The following CELF2 variants were observed in gnomAD, a reference collection of about 807,000 sequenced individuals.
CELF2 encodes the protein CUG triplet repeat RNA-binding protein 2.
CELF2 carries 8 observed loss-of-function variants against 62.6 expected under a neutral mutation model. The ratio of observed to expected loss-of-function variants is 0.13; its 90% confidence interval spans 0.07 to 0.23. The LOEUF (loss-of-function observed/expected upper bound fraction) is 0.23. Among genes scored for constraint, CELF2 ranks in the 10% least tolerant of loss-of-function variants. CELF2 has a pLI of 1.00. For synonymous variants in CELF2, 258 were observed against 250.0 expected (o/e 1.03, Z -0.30); for missense variants, 333 against 671.0 (o/e 0.50, Z 5.56).
Position 11,077,109 on chromosome 10 carries a change from C to T in CELF2, c.74+58946C>T, listed in dbSNP as rs542519707. ...CCAAGTCCTTTGCCGTTTTGCAAAC[C>T]GTTAACTCTGAGACAAGTGAATGTC... On this transcript the variant is annotated intron_variant, in intron 1 of 12. Transcript: ENST00000633077. Among the ~76,000 whole-genome samples, 9 of 152,244 alleles carry T rather than the reference C, an allele frequency of 5.9e-5. No homozygotes were observed. The East Asian group carries it at 1.5e-3, about 26-fold the overall frequency.
At chr10:10,620,864 G>A in the CELF2 span, among the ~76,000 whole-genome samples, 1 of 131,184 alleles carries the variant, frequency 7.6e-6, no homozygotes, top group Non-Finnish European at 1.6e-5. Flanking sequence ...CTTGCAGTGA[G>A]ACGAGATCGA....
intron 4 of CELF2, among the ~76,000 whole-genome samples, chr10:11,256,019 C>T (rs1031986945): frequency 4.6e-5 from 7 of 152,294 alleles, no homozygotes; most frequent in African/African-American, 1.4e-4. Context: ...GGTCCCTCCC[C>T]CGCTGGACCT....
chr10:10,950,592 G>A (rs2048212674), intron 2 of CELF2, among the ~76,000 whole-genome samples: 1 of 152,170 alleles, frequency 6.6e-6, no homozygotes, highest in African/African-American at 2.4e-5. Context: ...GAATTGCAAG[G>A]ATTTCATGAG....
chr10:10,627,230 A>G, the CELF2 span, among the ~76,000 whole-genome samples: 1 of 152,218 alleles, frequency 6.6e-6, no homozygotes, highest in Non-Finnish European at 1.5e-5. Context: ...TCCCAAGAAG[A>G]CCTCTGAATA....
At chr10:10,861,195 AC>A (rs1288166217) in intron 1 of CELF2, among the ~76,000 whole-genome samples, 5 of 151,836 alleles carry the variant, frequency 3.3e-5, no homozygotes, top group African/African-American at 9.7e-5. Context: ...TGATCCTCCC[AC>A]CTCAGTATCT....
Position 11,165,772 on chromosome 10 carries a change from G to A in CELF2, c.271+90G>A. 1 of 1,268,230 alleles carries A rather than the reference G, an allele frequency of 7.9e-7. No homozygotes were observed. The highest frequency in any genetic ancestry group is 1.5e-5 in the African/African-American group (1 of 66,226). 78.6% of individuals were successfully genotyped at this position (1,268,230 alleles called of 1,614,324 possible). A position where few individuals can be genotyped will look rare whatever the true frequency, so the allele number is the denominator to read the frequency against. On this transcript the variant is annotated intron_variant, in intron 2 of 12. Coordinates refer to ENST00000633077, the MANE Select transcript of CELF2 (RefSeq NM_001326342.2). This position sits in a 1 kb window ranked among gnomAD's most constrained non-coding sequence, Gnocchi z 7.4. ...CGAGCCCCCAGCCTGCAGGAGGAAG[G>A]GCGGGTAGGCAGGAGGGCTGGAAGC...
In CELF2 at chr10:11,242,271, T is replaced by C. The variant is rs1337715183; in HGVS notation, c.355-6882T>C. The stretch of plus-strand genomic sequence containing the variant: ...TTATTGAATCTCATGTTAAAGGTGG[T>C]TAACTCATCAATTGGTGATGGCTGG... On this transcript the variant is annotated intron_variant, in intron 3 of 12. Transcript: ENST00000633077. The surrounding 1 kb of genome is among the most constrained non-coding windows in gnomAD (Gnocchi z 4.8). Among the ~76,000 whole-genome samples the C allele has an allele frequency of 6.6e-6, 1 of 152,198 alleles. No homozygotes were observed. The highest frequency in any genetic ancestry group is 2.4e-5 in the African/African-American group (1 of 41,434).
intron 1 of CELF2, among the ~76,000 whole-genome samples, chr10:10,916,234 TG>T (rs2064307620): frequency 6.6e-6 from 1 of 152,230 alleles, no homozygotes; most frequent in Admixed American, 6.5e-5. Context: ...TTTGTCGATT[TG>T]CTGGTCTCAA....
the CELF2 span, among the ~76,000 whole-genome samples, chr10:10,500,610 A>C: frequency 6.6e-6 from 1 of 152,212 alleles, no homozygotes. Flanking sequence ...CTGTGAGTCC[A>C]TTAAACCTCT....
chr10:10,646,183 C>G, the CELF2 span, among the ~76,000 whole-genome samples: 1 of 152,076 alleles, frequency 6.6e-6, no homozygotes, highest in Admixed American at 6.6e-5. Flanking sequence ...TGAGCACCTA[C>G]AGATAAAAAG....
At chr10:10,551,771 A>G in the CELF2 span, among the ~76,000 whole-genome samples, 2 of 152,086 alleles carry the variant, frequency 1.3e-5, no homozygotes, top group African/African-American at 2.4e-5. Context: ...AGGGTCCAGG[A>G]GCGCTGGTTT....
At chr10:10,510,208 A>T in the CELF2 span, among the ~76,000 whole-genome samples, 2 of 152,078 alleles carry the variant, frequency 1.3e-5, no homozygotes, top group South Asian at 4.1e-4. Context: ...CATTAGATTC[A>T]CCTCCTATTC....
intron 1 of CELF2, chr10:11,097,440 T>C (rs939824566): frequency 2.0e-5 from 3 of 152,212 alleles, no homozygotes; most frequent in African/African-American, 7.2e-5. Flanking sequence ...AGAAGAGATA[T>C]GCATGAGAGA....
chr10:10,753,753 G>C, the CELF2 span, among the ~76,000 whole-genome samples: 1 of 152,266 alleles, frequency 6.6e-6, no homozygotes, highest in African/African-American at 2.4e-5. Flanking sequence ...ACATGCACCT[G>C]ACTTCACCAA....
chr10:11,264,898 C>T (rs1395292946), intron 5 of CELF2, among the ~76,000 whole-genome samples: 1 of 152,220 alleles, frequency 6.6e-6, no homozygotes, highest in Non-Finnish European at 1.5e-5. Flanking sequence ...TTCATTCAGG[C>T]TTCTTCAAGC....
Position 11,305,845 on chromosome 10 carries a change from T to C in CELF2, c.977-8294T>C, listed in dbSNP as rs961151095. Among the ~76,000 whole-genome samples the C allele has an allele frequency of 4.6e-5, 7 of 152,228 alleles. No homozygotes were observed. The highest frequency in any genetic ancestry group is 1.7e-4 in the African/African-American group (7 of 41,462). Reference sequence around the variant, plus strand: ...TGGGCAAACAAGCAAAGAACTTCTGTGGCCAGGCCAAGGTGGGCATATCCT... The same window carrying C: ...TGGGCAAACAAGCAAAGAACTTCTGCGGCCAGGCCAAGGTGGGCATATCCT... On this transcript the variant is annotated intron_variant, in intron 9 of 12. Coordinates refer to ENST00000633077, the MANE Select transcript of CELF2 (RefSeq NM_001326342.2). The surrounding 1 kb of genome is among the most constrained non-coding windows in gnomAD (Gnocchi z 4.8).
At position 11,165,720 on chromosome 10, in the gene CELF2, T is replaced by G. The variant is rs562932202; in HGVS notation, c.271+38T>G. ...GGGCGGGGGTCGCCAGGCGTCCAGG[T>G]GGGCGTCGCGGGGCACTGGGGCTGT... On this transcript the variant is annotated intron_variant, in intron 2 of 12. Transcript: ENST00000633077. The surrounding 1 kb of genome is among the most constrained non-coding windows in gnomAD (Gnocchi z 7.4). The G allele has an allele frequency of 5.1e-6, 8 of 1,568,758 alleles. No homozygotes were observed. The highest frequency in any genetic ancestry group is 6.9e-6 in the Non-Finnish European group (8 of 1,157,290).
At chr10:10,920,484 T>C (rs2064788630) in intron 2 of CELF2, among the ~76,000 whole-genome samples, 1 of 152,208 alleles carries the variant, frequency 6.6e-6, no homozygotes, top group Non-Finnish European at 1.5e-5. Context: ...ATTCTCACTG[T>C]CATCAAAATA....
the CELF2 span, among the ~76,000 whole-genome samples, chr10:10,535,102 C>G: frequency 6.6e-6 from 1 of 152,130 alleles, no homozygotes; most frequent in South Asian, 2.1e-4. Context: ...AGACAGGAAC[C>G]CCTTCCCCAG....
Sources: gnomAD v4.1 joint callset for allele counts (sites outside exome capture counted in the v4.1 genomes callset) on GRCh38, gnomAD v4.1.1 for gene constraint, Gnocchi (gnomAD v3.1) non-coding constraint, MANE v1.5 for transcripts, NCBI Gene and HGNC (gene_info 2026-07-23, HGNC 2026-07-21) for gene names.